The following UNC5D variants were observed in gnomAD, a reference collection of about 807,000 sequenced individuals.
UNC5D encodes netrin receptor UNC5D.
A neutral mutation model predicts 105.4 loss-of-function variants in UNC5D; 39 were observed. That is an observed-to-expected ratio of 0.37 (90% CI 0.29 to 0.48). The LOEUF is 0.48. Ranked by LOEUF, UNC5D falls within the 20% of genes least tolerant of loss-of-function variation. The pLI is 0.98. For missense variants in UNC5D, 991 were observed against 1,202.4 expected (o/e 0.82, Z 2.60); for synonymous variants, 452 against 450.4 (o/e 1.00, Z -0.04).
chr8:35,377,599 C>T (rs1802778705), intron 1 of UNC5D, among the ~76,000 whole-genome samples: 1 of 152,166 alleles, frequency 6.6e-6, no homozygotes, highest in African/African-American at 2.4e-5. Flanking sequence ...ACTGCAGGGA[C>T]AGCTTGAGTT....
At chr8:35,462,456 A>G (rs1358406128) in intron 1 of UNC5D, among the ~76,000 whole-genome samples, 5 of 152,248 alleles carry the variant, frequency 3.3e-5, no homozygotes, top group African/African-American at 1.2e-4. Flanking sequence ...ACCAACTTGA[A>G]ATTAGTTTTA....
chr8:35,508,627 T>A (rs1199303678), intron 1 of UNC5D, among the ~76,000 whole-genome samples: 1 of 152,202 alleles, frequency 6.6e-6, no homozygotes, highest in East Asian at 1.9e-4. Flanking sequence ...CTTCCAGCTT[T>A]CTCTTCAAAA....
At chr8:35,327,928 T>A (rs1810298121) in intron 1 of UNC5D, among the ~76,000 whole-genome samples, 1 of 152,200 alleles carries the variant, frequency 6.6e-6, no homozygotes, top group South Asian at 2.1e-4. Flanking sequence ...GATAAGAGCA[T>A]CTTTGATAGA....
At chr8:35,706,208 T>G (rs1239571734) in intron 8 of UNC5D, among the ~76,000 whole-genome samples, 1 of 152,240 alleles carries the variant, frequency 6.6e-6, no homozygotes, top group Admixed American at 6.5e-5. Flanking sequence ...AGTCCATTTC[T>G]CTGCAAATGT....
chr8:35,395,293 G>T (rs945227017), intron 1 of UNC5D, among the ~76,000 whole-genome samples: 1 of 152,086 alleles, frequency 6.6e-6, no homozygotes, highest in Admixed American at 6.6e-5. Context: ...AGTTTATAAC[G>T]CTAGTTGATC....
intron 1 of UNC5D, among the ~76,000 whole-genome samples, chr8:35,298,916 A>G (rs1311628649): frequency 6.6e-6 from 1 of 152,186 alleles, no homozygotes; most frequent in African/African-American, 2.4e-5. Context: ...AATAAAGGGT[A>G]ATGTTATTTT....
intron 1 of UNC5D, among the ~76,000 whole-genome samples, chr8:35,326,772 GAAA>G (rs1301487823): frequency 2.2e-5 from 3 of 139,466 alleles, no homozygotes; most frequent in African/African-American, 5.2e-5. Context: ...AAAAGTGAAG[GAAA>G]AAAAAAAAGG....
At chr8:35,604,567 T>A (rs571751998) in intron 4 of UNC5D, among the ~76,000 whole-genome samples, 2 of 152,304 alleles carry the variant, frequency 1.3e-5, no homozygotes, top group East Asian at 3.9e-4. Flanking sequence ...ATTCTCTGTA[T>A]TTCCTGAATT....
At chr8:35,695,813 C>T (rs1662785474) in intron 7 of UNC5D, among the ~76,000 whole-genome samples, 1 of 151,890 alleles carries the variant, frequency 6.6e-6, no homozygotes. Flanking sequence ...TGGCTTACTT[C>T]AACCTCTGCC....
At chr8:35,491,634 A>G (rs1430639669) in intron 1 of UNC5D, among the ~76,000 whole-genome samples, 9 of 148,542 alleles carry the variant, frequency 6.1e-5, no homozygotes, top group African/African-American at 2.3e-4. Context: ...GTGTGTGTGT[A>G]GGGATCCACG....
At chr8:35,553,355 TA>T (rs879766092) in intron 2 of UNC5D, among the ~76,000 whole-genome samples, 226 of 138,590 alleles carry the variant, frequency 1.6e-3, no homozygotes, top group Middle Eastern at 3.9e-3. Context: ...TCTACTTCCT[TA>T]AAAAAAAAAA....
At position 35,496,460 on chromosome 8, in the gene UNC5D, G is replaced by T. The variant is rs961006703; in HGVS notation, c.104-52832G>T. ...GCTATCACAGTGGCCAGGGAAAAGA[G>T]AATGCTAATTTACATTAAAGTGGAG... On this transcript the variant is annotated intron_variant, in intron 1 of 16. Transcript: ENST00000404895. 7.2e-5 allele frequency among the ~76,000 whole-genome samples: 11 copies of T among 152,144 alleles called. 1 individual carries two copies. Among genetic ancestry groups the T allele is most frequent in the Admixed American group, 5.9e-4 (9 of 15,268 alleles).
chr8:35,552,057 C>T (rs1816193056), intron 2 of UNC5D, among the ~76,000 whole-genome samples: 1 of 152,032 alleles, frequency 6.6e-6, no homozygotes, highest in Non-Finnish European at 1.5e-5. Flanking sequence ...GAGAGAAACA[C>T]CTAAAACTCT....
intron 1 of UNC5D, among the ~76,000 whole-genome samples, chr8:35,522,380 T>C (rs1267218246): frequency 2.6e-5 from 4 of 152,220 alleles, no homozygotes; most frequent in African/African-American, 9.6e-5. Flanking sequence ...AAGATAAATG[T>C]TTCATTTGCC....
chr8:35,748,404 G>GA, intron 11 of UNC5D, 123 bp from the exon 12 acceptor site: 4 of 1,052,096 alleles, frequency 3.8e-6, no homozygotes, highest in Non-Finnish European at 5.3e-6. Context: ...CTTTGTAAAA[G>GA]AAAATCCTGG....
chr8:35,624,251 G>A (rs1821555329), intron 4 of UNC5D, among the ~76,000 whole-genome samples: 1 of 152,168 alleles, frequency 6.6e-6, no homozygotes. Context: ...GTGCTGTATG[G>A]CGTATATAGT....
intron 1 of UNC5D, among the ~76,000 whole-genome samples, chr8:35,478,608 T>C (rs1810270795): frequency 6.6e-6 from 1 of 152,218 alleles, no homozygotes; most frequent in African/African-American, 2.4e-5. Context: ...ATGCTTTACT[T>C]AAAGAAATAT....
At chr8:35,323,317 G>T (rs1809896524) in intron 1 of UNC5D, among the ~76,000 whole-genome samples, 1 of 151,186 alleles carries the variant, frequency 6.6e-6, no homozygotes, top group African/African-American at 2.4e-5. Flanking sequence ...CTAAAAAGGA[G>T]TGGCTACCTA....
chr8:35,475,820 T>C (rs1175557511), intron 1 of UNC5D, among the ~76,000 whole-genome samples: 1 of 152,230 alleles, frequency 6.6e-6, no homozygotes, highest in Non-Finnish European at 1.5e-5. Flanking sequence ...GTTCTGTGCA[T>C]CTGTGGGAAG....
Sources: gnomAD v4.1 joint callset for allele counts (sites outside exome capture counted in the v4.1 genomes callset) on GRCh38, gnomAD v4.1.1 for gene constraint, MANE v1.5 for transcripts, NCBI Gene and HGNC (gene_info 2026-07-23, HGNC 2026-07-21) for gene names.